Variants in KALRN observed in about 807,000 individuals in gnomAD.
The protein encoded by KALRN is kalirin RhoGEF kinase.
KALRN carries 70 observed loss-of-function variants against 353.7 expected under a neutral mutation model. The ratio of observed to expected loss-of-function variants is 0.20; its 90% CI spans 0.16 to 0.24. KALRN has a LOEUF of 0.24. Among genes scored for constraint, KALRN ranks in the 10% least tolerant of loss-of-function variants. The pLI is 1.00. For synonymous variants in KALRN, 1,391 were observed against 1,434.8 expected (o/e 0.97, Z 0.69); for missense variants, 2,791 against 3,756.7 (o/e 0.74, Z 6.72).
intron 1 of KALRN, among the ~76,000 whole-genome samples, chr3:124,177,422 C>T (rs2072941051): frequency 6.6e-6 from 1 of 152,090 alleles, no homozygotes; most frequent in African/African-American, 2.4e-5. Context: ...TGTTTTTTAC[C>T]TCCTAGAACA....
At chr3:124,452,052 AT>A (rs1308758618) in intron 21 of KALRN, among the ~76,000 whole-genome samples, 1 of 152,224 alleles carries the variant, frequency 6.6e-6, no homozygotes, top group Non-Finnish European at 1.5e-5. Context: ...CACTGGCTGC[AT>A]CTTGATGGGC....
intron 5 of KALRN, among the ~76,000 whole-genome samples, chr3:124,287,101 C>G (rs1024101537): frequency 1.3e-5 from 2 of 152,102 alleles, no homozygotes; most frequent in African/African-American, 4.8e-5. Context: ...ACATGTGGCT[C>G]TTATTCCTAT....
chr3:124,489,025 G>T (rs1338643283), intron 29 of KALRN, among the ~76,000 whole-genome samples: 1 of 152,180 alleles, frequency 6.6e-6, no homozygotes, highest in Admixed American at 6.5e-5. Flanking sequence ...GCCATACTGG[G>T]GTGGAATTTG....
chr3:124,259,262 G>A (rs1447215739), intron 3 of KALRN, among the ~76,000 whole-genome samples: 1 of 152,220 alleles, frequency 6.6e-6, no homozygotes. Context: ...GCTAGCCCTG[G>A]TGTGGGAGTA....
chr3:124,446,711 T>C (rs1251870497), intron 20 of KALRN, 52 bp from the exon 21 acceptor site: 1 of 1,610,856 alleles, frequency 6.2e-7, no homozygotes, highest in Non-Finnish European at 8.5e-7. Context: ...TGGCATGTTT[T>C]CCTACTGACA....
At chr3:124,553,210 G>A (rs928810987) in intron 33 of KALRN, among the ~76,000 whole-genome samples, 3 of 152,192 alleles carry the variant, frequency 2.0e-5, no homozygotes, top group African/African-American at 4.8e-5. Flanking sequence ...CTGTGTTAAT[G>A]TAATCCTTCC....
intron 1 of KALRN, chr3:124,152,264 A>AC: frequency 7.0e-7 from 1 of 1,429,060 alleles, no homozygotes; most frequent in Non-Finnish European, 9.7e-7. Context: ...AGATTTGGGT[A>AC]CCCCTATGCA....
intron 1 of KALRN, among the ~76,000 whole-genome samples, chr3:124,091,964 T>A (rs1301833576): frequency 6.6e-6 from 1 of 152,174 alleles, no homozygotes. Flanking sequence ...CTTATGAGGC[T>A]CTGTGGGAGA....
intron 11 of KALRN, among the ~76,000 whole-genome samples, chr3:124,387,805 A>T (rs920316222): frequency 1.3e-5 from 2 of 149,526 alleles, no homozygotes; most frequent in Admixed American, 6.7e-5. Context: ...TACAGATTTT[A>T]TTTTTTTTTT....
chr3:124,456,989 C>T (rs891202422), intron 23 of KALRN, among the ~76,000 whole-genome samples: 1 of 152,182 alleles, frequency 6.6e-6, no homozygotes. Flanking sequence ...CATTTTACTT[C>T]ACAATGTCAA....
chr3:124,314,841 T>C (rs1162106604), intron 6 of KALRN, among the ~76,000 whole-genome samples: 2 of 152,122 alleles, frequency 1.3e-5, no homozygotes, highest in Non-Finnish European at 2.9e-5. Context: ...TTTTTGTAGA[T>C]ACAGGGTCTC....
chr3:124,079,496 A>C (rs144280068), intron 1 of KALRN, among the ~76,000 whole-genome samples: 2 of 152,206 alleles, frequency 1.3e-5, no homozygotes, highest in African/African-American at 2.4e-5. Flanking sequence ...AACCACACCT[A>C]ACATTTAGGA....
chr3:124,138,203 T>A (rs1476291174), intron 1 of KALRN, among the ~76,000 whole-genome samples: 1 of 152,176 alleles, frequency 6.6e-6, no homozygotes, highest in African/African-American at 2.4e-5. Context: ...CAGTGGGAGT[T>A]GAGCAGCTAA....
intron 6 of KALRN, among the ~76,000 whole-genome samples, chr3:124,325,120 A>G (rs1310743337): frequency 6.6e-6 from 1 of 152,212 alleles, no homozygotes; most frequent in African/African-American, 2.4e-5. Context: ...TCAGTGACCT[A>G]ATAGGAAACA....
At chr3:124,713,397 C>A (rs955185483) in intron 58 of KALRN, among the ~76,000 whole-genome samples, 2 of 152,174 alleles carry the variant, frequency 1.3e-5, no homozygotes, top group Non-Finnish European at 2.9e-5. Flanking sequence ...GAACCCATAT[C>A]TCTCTCACTT....
intron 7 of KALRN, among the ~76,000 whole-genome samples, 158 bp downstream of exon 7, chr3:124,326,329 T>C (rs991356039): frequency 6.6e-6 from 1 of 152,174 alleles, no homozygotes; most frequent in African/African-American, 2.4e-5. Flanking sequence ...ATAACCTATG[T>C]TCTACCACTT....
chr3:124,563,121 C>G (rs766383660), intron 34 of KALRN, 32 bp downstream of exon 34: 1 of 1,356,570 alleles, frequency 7.4e-7, no homozygotes, highest in East Asian at 4.6e-5. Flanking sequence ...GAGGCACAGA[C>G]CAAGGAGGCC....
At chr3:124,444,494 G>A (rs1034530107) in intron 19 of KALRN, among the ~76,000 whole-genome samples, 1 of 152,104 alleles carries the variant, frequency 6.6e-6, no homozygotes. Flanking sequence ...ACAGGGAAGG[G>A]TGAATGATTG....
intron 33 of KALRN, among the ~76,000 whole-genome samples, chr3:124,536,968 T>C (rs2068568754): frequency 6.6e-6 from 1 of 152,222 alleles, no homozygotes; most frequent in Non-Finnish European, 1.5e-5. Flanking sequence ...GTTTCAAATT[T>C]ATGATGAGGC....
Sources: allele counts gnomAD v4.1 joint callset (sites outside exome capture counted in the v4.1 genomes callset), GRCh38; gene constraint gnomAD v4.1.1; transcripts MANE v1.5; gene names NCBI Gene and HGNC (gene_info 2026-07-23, HGNC 2026-07-21).